The following DOC2B variants were observed in gnomAD, a reference collection of about 807,000 sequenced individuals.
The protein encoded by DOC2B is double C2-like domain-containing protein beta.
A neutral mutation model predicts 28.9 loss-of-function variants in DOC2B; 21 were observed. The ratio of observed to expected loss-of-function variants is 0.73; its 90% CI spans 0.52 to 1.05. The LOEUF is 1.05. Among genes scored for constraint, DOC2B ranks in the 50% least tolerant of loss-of-function variants. DOC2B has a pLI of 0.00. For missense variants in DOC2B, 384 were observed against 421.1 expected (o/e 0.91, Z 0.77); for synonymous variants, 194 against 178.1 (o/e 1.09, Z -0.71).
chr17:147,336 A>T lies in DOC2B; in HGVS notation c.*105T>A, dbSNP rs1407303037. ...CTCTGTGTCCAAGCAGGGGTTCTGGATCTCCCCCAGTGTGGGGGCCACAGG... is the reference window on the plus strand; with the variant it reads ...CTCTGTGTCCAAGCAGGGGTTCTGGTTCTCCCCCAGTGTGGGGGCCACAGG... On this transcript the variant is annotated 3_prime_UTR_variant, in exon 9 of 9. Transcript: ENST00000613549. 2 of 397,376 alleles carry T rather than the reference A, an allele frequency of 5.0e-6. No individual in the cohort carries two copies. The highest frequency in any genetic ancestry group is 1.2e-3 in the Middle Eastern group (2 of 1,608). 24.6% of individuals were successfully genotyped at this position (397,376 alleles called of 1,614,324 possible).
At position 143,321 on chromosome 17, in the gene DOC2B, A is replaced by G. The variant is rs1376334114; in HGVS notation, c.*4120T>C. ...CTCCGTCTTTCCACCCTCCCCTCCT[A>G]CCCTTCCAAATCTTTTTTTTTTTTT... On this transcript the variant is annotated 3_prime_UTR_variant, in exon 9 of 9. Coordinates refer to ENST00000613549, the MANE Select transcript of DOC2B (RefSeq NM_003585.5). 3 of 123,456 alleles carry G rather than the reference A, an allele frequency of 2.4e-5. 1 individual carries two copies. In the South Asian group the frequency reaches 7.7e-4, roughly 32 times the overall value. 7.6% of individuals were successfully genotyped at this position (123,456 alleles called of 1,614,324 possible).
chr17:178,170 G>A (rs1378579963), intron 1 of DOC2B, among the ~76,000 whole-genome samples: 2 of 152,232 alleles, frequency 1.3e-5, no homozygotes, highest in Non-Finnish European at 1.5e-5. Context: ...GACTGACAGC[G>A]TCATTCTGAC....
In DOC2B at chr17:143,429, A is replaced by C. The variant is rs938647578; in HGVS notation, c.*4012T>G. The C allele has an allele frequency of 3.4e-5, 5 of 148,348 alleles. No homozygotes were observed. The highest frequency in any genetic ancestry group is 5.9e-5 in the Non-Finnish European group (4 of 67,792). The allele number at this position is 148,348 out of a possible 1,614,324, so 9.2% of individuals were successfully genotyped here. A position where few individuals can be genotyped will look rare whatever the true frequency, so the allele number is the denominator to read the frequency against. ...ACTGCAATCCCCACTTTCCAGGCTC[A>C]AGCGATCCTCCTCCTCCTACCTCAG... On this transcript the variant is annotated 3_prime_UTR_variant, in exon 9 of 9. Transcript: ENST00000613549.
intron 2 of DOC2B, among the ~76,000 whole-genome samples, chr17:169,492 G>A (rs1196843157): frequency 1.3e-5 from 2 of 151,902 alleles, no homozygotes; most frequent in Non-Finnish European, 2.9e-5. Context: ...ATGGTTGAGC[G>A]CTGAGGGAAG....
chr17:172,490 T>C lies in DOC2B; in HGVS notation c.453+47A>G, dbSNP rs375064949. ...CTGGCCTCCCTGACCTAGGCCCTCT[T>C]GAGGACCCCGGGGCAGGGAATTTGG... is the stretch of plus-strand genomic sequence containing the variant. On this transcript the variant is annotated intron_variant, in intron 2 of 8. Coordinates refer to ENST00000613549, the MANE Select transcript of DOC2B (RefSeq NM_003585.5). 516 of 1,508,928 alleles carry C rather than the reference T, an allele frequency of 3.4e-4. 1 individual carries two copies. In the African/African-American group the frequency reaches 6.2e-3, roughly 18 times the overall value. The allele number at this position is 1,508,928 out of a possible 1,614,324, so 93.5% of individuals were successfully genotyped here.
At position 144,113 on chromosome 17, in the gene DOC2B, T is replaced by C. The variant is rs1419010528; in HGVS notation, c.*3328A>G. 2.8e-5 allele frequency: 4 copies of C among 143,678 alleles called. No individual in the cohort carries two copies. Among genetic ancestry groups the C allele is most frequent in the Admixed American group, 2.1e-4 (3 of 14,516 alleles). The allele number at this position is 143,678 out of a possible 1,614,324, so 8.9% of individuals were successfully genotyped here. Reference sequence around the variant, plus strand: ...GGCGGGGCGGCGGGCGGGGCGGCGCTGGAGGCAGCGCCTGGTTACTGACAC... The same window carrying C: ...GGCGGGGCGGCGGGCGGGGCGGCGCCGGAGGCAGCGCCTGGTTACTGACAC... On this transcript the variant is annotated 3_prime_UTR_variant, in exon 9 of 9. Coordinates refer to ENST00000613549, the MANE Select transcript of DOC2B (RefSeq NM_003585.5).
Position 164,181 on chromosome 17 carries a change from A to G in DOC2B, c.477T>C (p.Asn159=). ...KAKGLKPMDH[N]GLADPYVKLH... is the part of the protein sequence containing the mutation. ...GCTTGACGTAGGGGTCTGCCAGCCC[A>G]TTGTGGTCCATTGGCTTCAGGCCCT... Residue 159 remains asparagine, a synonymous_variant, in exon 3 of 9, where the codon AAT becomes AAC. Coordinates refer to ENST00000613549, the MANE Select transcript of DOC2B (RefSeq NM_003585.5). The G allele has an allele frequency of 6.4e-7, 1 of 1,553,714 alleles. No individual in the cohort carries two copies. Among genetic ancestry groups the G allele is most frequent in the Non-Finnish European group, 8.7e-7 (1 of 1,147,914 alleles).
chr17:174,489 C>T (rs2040347004), intron 1 of DOC2B, among the ~76,000 whole-genome samples: 1 of 152,194 alleles, frequency 6.6e-6, no homozygotes, highest in Admixed American at 6.5e-5. Flanking sequence ...TCAATTGGCT[C>T]ATTTCCCTCC....
intron 1 of DOC2B, among the ~76,000 whole-genome samples, chr17:178,707 C>A (rs1215175058): frequency 1.3e-5 from 2 of 152,226 alleles, no homozygotes; most frequent in African/African-American, 2.4e-5. Flanking sequence ...CTTTAAAAAG[C>A]CAGGAGAAAA....
Position 142,891 on chromosome 17 carries a change from T to A in DOC2B, c.*4550A>T. ...AATTGATCAACATTTTCTAACAAGG[T>A]GGAATGAAAATATAAAGTGTGGGGA... is the stretch of plus-strand genomic sequence containing the variant. On this transcript the variant is annotated 3_prime_UTR_variant, in exon 9 of 9. Transcript: ENST00000613549. The A allele has an allele frequency of 6.6e-6, 1 of 152,164 alleles. No homozygotes were observed. 9.4% of individuals were successfully genotyped at this position (152,164 alleles called of 1,614,324 possible).
rs993620835 is a variant in DOC2B, at chr17:143,106, G to C, written c.*4335C>G. 5 of 152,120 alleles carry C rather than the reference G, an allele frequency of 3.3e-5. No individual in the cohort carries two copies. Among genetic ancestry groups the C allele is most frequent in the African/African-American group, 1.2e-4 (5 of 41,418 alleles). The allele number at this position is 152,120 out of a possible 1,614,324, so 9.4% of individuals were successfully genotyped here. On this transcript the variant is annotated 3_prime_UTR_variant, in exon 9 of 9. Transcript: ENST00000613549. ...GACAACAGCATGGTCGACAGGTCCTGGTGCAAAATGTCTTGGGCTGCCTCA... is the reference window on the plus strand; with the variant it reads ...GACAACAGCATGGTCGACAGGTCCTCGTGCAAAATGTCTTGGGCTGCCTCA...
intron 1 of DOC2B, among the ~76,000 whole-genome samples, chr17:180,455 C>A (rs1488447697): frequency 6.6e-6 from 1 of 152,072 alleles, no homozygotes; most frequent in Non-Finnish European, 1.5e-5. Context: ...GGCGAAGGTG[C>A]GCGGCCCTGG....
chr17:175,908 C>A (rs1374995039), intron 1 of DOC2B, among the ~76,000 whole-genome samples: 1 of 152,232 alleles, frequency 6.6e-6, no homozygotes, highest in African/African-American at 2.4e-5. Flanking sequence ...TGGGAAGGAA[C>A]AGCACACCCA....
intron 6 of DOC2B, 163 bp downstream of exon 6, chr17:156,057 G>T: frequency 1.4e-6 from 1 of 737,766 alleles, no homozygotes. Flanking sequence ...GGCTGGCCAT[G>T]CTTAACCCCT....
chr17:180,881 G>A (rs891290279), intron 1 of DOC2B, among the ~76,000 whole-genome samples: 4 of 151,878 alleles, frequency 2.6e-5, no homozygotes, highest in Admixed American at 2.6e-4. Context: ...GGGTGCCCCC[G>A]AACTTCCCTC....
At chr17:160,816 G>A (rs1234022818) in intron 5 of DOC2B, among the ~76,000 whole-genome samples, 7 of 151,314 alleles carry the variant, frequency 4.6e-5, no homozygotes, top group Admixed American at 1.3e-4. Flanking sequence ...CTGACATAAC[G>A]TTGAGACAAA....
chr17:160,024 A>G (rs867679599), intron 5 of DOC2B, among the ~76,000 whole-genome samples: 29 of 140,696 alleles, frequency 2.1e-4, no homozygotes, highest in African/African-American at 7.5e-4. Context: ...TGCTCTTGTC[A>G]CCCAGGCTGG....
chr17:146,067 G>C lies in DOC2B; in HGVS notation c.*1374C>G, dbSNP rs1176346444. The C allele has an allele frequency of 6.6e-6, 1 of 152,256 alleles. No individual in the cohort carries two copies. Among genetic ancestry groups the C allele is most frequent in the Admixed American group, 6.5e-5 (1 of 15,286 alleles). 9.4% of individuals were successfully genotyped at this position (152,256 alleles called of 1,614,324 possible). A position where few individuals can be genotyped will look rare whatever the true frequency, so the allele number is the denominator to read the frequency against. Reference sequence around the variant, plus strand: ...AGATTCAGATACTCTCAAGCCTCCTGGGGAGTCTCACTCAGGGGAGCAGAC... The same window carrying C: ...AGATTCAGATACTCTCAAGCCTCCTCGGGAGTCTCACTCAGGGGAGCAGAC... On this transcript the variant is annotated 3_prime_UTR_variant, in exon 9 of 9. Coordinates refer to ENST00000613549, the MANE Select transcript of DOC2B (RefSeq NM_003585.5).
chr17:161,696 G>A (rs1354897442), intron 4 of DOC2B, among the ~76,000 whole-genome samples, 155 bp from the exon 5 acceptor site: 1 of 152,216 alleles, frequency 6.6e-6, no homozygotes, highest in Non-Finnish European at 1.5e-5. Context: ...CCCTGACAGG[G>A]GCAGAGTGTG....
Sources: allele counts gnomAD v4.1 joint callset (sites outside exome capture counted in the v4.1 genomes callset), GRCh38; gene constraint gnomAD v4.1.1; transcripts MANE v1.5; gene names NCBI Gene and HGNC (gene_info 2026-07-23, HGNC 2026-07-21).